KCNIP4: variants seen among roughly 807,000 people sequenced by gnomAD.
KCNIP4 encodes the protein potassium voltage-gated channel interacting protein 4.
Under a neutral mutation model 34.0 loss-of-function variants are expected in KCNIP4, and 12 were observed. The ratio of observed to expected loss-of-function variants is 0.35; its 90% CI spans 0.23 to 0.57. The LOEUF (loss-of-function observed/expected upper bound fraction) is 0.57, where lower values mean the gene tolerates loss of function less well. Ranked by LOEUF, KCNIP4 falls within the 20% of genes least tolerant of loss-of-function variation. The pLI, the probability that KCNIP4 is intolerant of heterozygous loss-of-function variation, is 0.83. For missense variants in KCNIP4, 238 were observed against 311.7 expected, an observed-to-expected ratio of 0.76 and a Z score of 1.78; for synonymous variants, 124 against 102.2, an observed-to-expected ratio of 1.21 and a Z score of -1.29.
intron 3 of KCNIP4, among the ~76,000 whole-genome samples, chr4:20,816,228 T>G (rs1473612972): frequency 4.9e-5 from 7 of 142,546 alleles, no homozygotes; most frequent in Non-Finnish European, 9.0e-5. Flanking sequence ...CACTCCAGCC[T>G]GGGCAACAGA....
rs548020119 is a variant in KCNIP4, at chr4:21,709,654, A to T, written c.61+238917T>A. On this transcript the variant is annotated intron_variant, in intron 1 of 8. Coordinates refer to ENST00000382152, the MANE Select transcript of KCNIP4 (RefSeq NM_025221.6). ...AAAAAAAACAGGTCTAAATATTATT[A>T]AAAAATAACGGTAGTATTAAAACAG... 7.2e-5 allele frequency among the ~76,000 whole-genome samples: 11 copies of T among 152,328 alleles called. No individual in the cohort carries two copies. The South Asian group carries it at 1.7e-3, about 23-fold the overall frequency.
At position 21,318,619 on chromosome 4, in the gene KCNIP4, G is replaced by A. The variant is rs538853915; in HGVS notation, c.62-435910C>T. On this transcript the variant is annotated intron_variant, in intron 1 of 8. Coordinates refer to ENST00000382152, the MANE Select transcript of KCNIP4 (RefSeq NM_025221.6). The stretch of plus-strand genomic sequence containing the variant: ...TATTGTACCACCAAATAGTGGAAGC[G>A]AAAACGACACACTACTCGTGTTTTT... Among the ~76,000 whole-genome samples, 62 of 152,176 alleles carry A rather than the reference G, an allele frequency of 4.1e-4. No homozygotes were observed. The Middle Eastern group carries it at 0.01, about 25-fold the overall frequency.
intron 1 of KCNIP4, among the ~76,000 whole-genome samples, chr4:20,975,434 A>G (rs1442933170): frequency 6.6e-6 from 1 of 152,184 alleles, no homozygotes; most frequent in Non-Finnish European, 1.5e-5. Context: ...AACCAATAGG[A>G]CAGGGCACTC....
At chr4:21,282,932 C>A (rs1244532483) in intron 1 of KCNIP4, among the ~76,000 whole-genome samples, 1 of 152,070 alleles carries the variant, frequency 6.6e-6, no homozygotes, top group East Asian at 1.9e-4. Context: ...GTGAGAACAC[C>A]CAAATCTCCG....
At chr4:20,850,701 A>T in intron 2 of KCNIP4, 34 bp from the exon 3 acceptor site, 1 of 1,604,232 alleles carries the variant, frequency 6.2e-7, no homozygotes, top group Non-Finnish European at 8.5e-7. Context: ...TCTTAGGACC[A>T]GCCACTGCTC....
rs368808277 is a variant in KCNIP4, at chr4:20,907,071, G to A, written c.62-24362C>T. ...TATTTGGCTTAATGAGAGTATATGT[G>A]TGTAGTCCTTGGTAAGAAAATGATG... On this transcript the variant is annotated intron_variant, in intron 1 of 8. Transcript: ENST00000382152. Among the ~76,000 whole-genome samples, 18 of 152,324 alleles carry A rather than the reference G, an allele frequency of 1.2e-4. No homozygotes were observed. In the East Asian group the frequency reaches 2.9e-3, roughly 24 times the overall value.
intron 1 of KCNIP4, among the ~76,000 whole-genome samples, chr4:21,857,193 T>TC (rs1290260671): frequency 2.0e-5 from 3 of 152,132 alleles, no homozygotes; most frequent in Non-Finnish European, 2.9e-5. Flanking sequence ...AGCATACACT[T>TC]CCTCTCCTTT....
intron 5 of KCNIP4, among the ~76,000 whole-genome samples, chr4:20,742,675 C>T (rs528351146): frequency 1.3e-5 from 2 of 152,316 alleles, no homozygotes; most frequent in Non-Finnish European, 2.9e-5. Context: ...TGCCCTCTCT[C>T]ACCACTCCTA....
chr4:21,158,812 TATTGAGC>T (rs1753356999), intron 1 of KCNIP4, among the ~76,000 whole-genome samples: 1 of 152,078 alleles, frequency 6.6e-6, no homozygotes, highest in Non-Finnish European at 1.5e-5. Context: ...AGAAATACAG[TATTGAGC>T]ATGAAGAAGA....
Position 20,728,950 on chromosome 4 carries a change from A to AAATCAATC in KCNIP4, c.*1131_*1132insGATTGATT, listed in dbSNP as rs149943850. On this transcript the variant is annotated 3_prime_UTR_variant, in exon 9 of 9. Coordinates refer to ENST00000382152, the MANE Select transcript of KCNIP4 (RefSeq NM_025221.6). The stretch of plus-strand genomic sequence containing the variant: ...AAAATAATCTGAATTATGATGAGCT[A>AAATCAATC]AATCATACTGTAATCTGGATTAGTT... 6.6e-6 allele frequency: 1 copy of AAATCAATC among 152,232 alleles called. No individual in the cohort carries two copies. Among genetic ancestry groups the AAATCAATC allele is most frequent in the African/African-American group, 2.4e-5 (1 of 41,452 alleles). 9.4% of individuals were successfully genotyped at this position (152,232 alleles called of 1,614,324 possible).
At chr4:21,755,504 A>G (rs1402396146) in intron 1 of KCNIP4, among the ~76,000 whole-genome samples, 1 of 152,180 alleles carries the variant, frequency 6.6e-6, no homozygotes, top group East Asian at 1.9e-4. Context: ...CTGAAGGACA[A>G]GGGGCTAGTG....
At position 21,326,305 on chromosome 4, in the gene KCNIP4, T is replaced by TAC. The variant is rs571570980; in HGVS notation, c.62-443598_62-443597dup. Among the ~76,000 whole-genome samples the TAC allele has an allele frequency of 2.2e-3, 335 of 150,222 alleles. No homozygotes were observed. The Middle Eastern group carries it at 0.027, about 12-fold the overall frequency. ...TTGGATATACATATATATATATATA[T>TAC]ACATATACGCACACATATTTGTTAT... On this transcript the variant is annotated intron_variant, in intron 1 of 8. Coordinates refer to ENST00000382152, the MANE Select transcript of KCNIP4 (RefSeq NM_025221.6).
chr4:21,318,398 G>T (rs557439362), intron 1 of KCNIP4, among the ~76,000 whole-genome samples: 1 of 152,232 alleles, frequency 6.6e-6, no homozygotes, highest in East Asian at 1.9e-4. Context: ...TTAATTTCTT[G>T]CTACTCAAGG....
intron 1 of KCNIP4, among the ~76,000 whole-genome samples, chr4:21,294,434 G>A (rs1763721176): frequency 6.6e-6 from 1 of 152,124 alleles, no homozygotes; most frequent in Non-Finnish European, 1.5e-5. Flanking sequence ...GTTTCTGCCT[G>A]TGTACCAGTA....
At chr4:21,793,894 T>A (rs1577997929) in intron 1 of KCNIP4, among the ~76,000 whole-genome samples, 1 of 152,134 alleles carries the variant, frequency 6.6e-6, no homozygotes, top group Admixed American at 6.5e-5. Flanking sequence ...CAAATGTCCA[T>A]CAATGATAGA....
chr4:21,290,319 C>T (rs1181552579), intron 1 of KCNIP4, among the ~76,000 whole-genome samples: 2 of 152,076 alleles, frequency 1.3e-5, no homozygotes, highest in Non-Finnish European at 2.9e-5. Flanking sequence ...TTACTATGTT[C>T]CAAAGCGGAC....
At chr4:21,307,805 C>T (rs757658734) in intron 1 of KCNIP4, among the ~76,000 whole-genome samples, 4 of 152,096 alleles carry the variant, frequency 2.6e-5, no homozygotes, top group Non-Finnish European at 4.4e-5. Context: ...TAAGGTGAGC[C>T]ATGAGCACTG....
intron 1 of KCNIP4, among the ~76,000 whole-genome samples, chr4:21,244,673 C>A (rs954259022): frequency 6.6e-6 from 1 of 152,110 alleles, no homozygotes; most frequent in Non-Finnish European, 1.5e-5. Context: ...AAAAATATTT[C>A]TTTTAATGAA....
intron 1 of KCNIP4, among the ~76,000 whole-genome samples, chr4:21,596,080 G>C (rs1484684612): frequency 2.0e-5 from 3 of 152,050 alleles, no homozygotes; most frequent in Non-Finnish European, 4.4e-5. Flanking sequence ...CTTGTATCAT[G>C]GCCCAACTCT....
Sources: allele counts gnomAD v4.1 joint callset (sites outside exome capture counted in the v4.1 genomes callset), GRCh38; gene constraint gnomAD v4.1.1; transcripts MANE v1.5; gene names NCBI Gene and HGNC (gene_info 2026-07-23, HGNC 2026-07-21).